Variants in PRRG4 observed in about 807,000 individuals in gnomAD.
PRRG4 encodes the protein proline rich and Gla domain 4, also known as transmembrane gamma-carboxyglutamic acid protein 4.
PRRG4 carries 12 observed loss-of-function variants against 20.0 expected under a neutral mutation model. The ratio of observed to expected loss-of-function variants is 0.60; its 90% CI spans 0.38 to 0.97. PRRG4 has a LOEUF of 0.97. Among genes scored for constraint, PRRG4 ranks in the 50% least tolerant of loss-of-function variants. The pLI, the probability that PRRG4 is intolerant of heterozygous loss-of-function variation, is 0.00. For synonymous variants in PRRG4, 94 were observed against 96.4 expected (o/e 0.98, Z 0.15); for missense variants, 199 against 265.1 (o/e 0.75, Z 1.73).
intron 5 of PRRG4, among the ~76,000 whole-genome samples, chr11:32,843,502 C>T (rs956554599): frequency 1.3e-5 from 2 of 151,704 alleles, no homozygotes; most frequent in African/African-American, 4.8e-5. Context: ...TTTGCACCAA[C>T]CTAATAACAT....
chr11:32,839,031 T>TA (rs1203384174), intron 4 of PRRG4, 101 bp downstream of exon 4: 1 of 792,060 alleles, frequency 1.3e-6, no homozygotes, highest in Non-Finnish European at 2.1e-6. Flanking sequence ...GCAACATACA[T>TA]ACCTTATAAA....
intron 5 of PRRG4, 80 bp from the exon 6 acceptor site, chr11:32,853,216 G>T: frequency 1.1e-6 from 1 of 915,096 alleles, no homozygotes; most frequent in South Asian, 1.5e-5. Context: ...TATTAAGATA[G>T]TTGGTTGGAT....
Position 32,854,600 on chromosome 11 carries a change from A to C in PRRG4, c.*1073A>C, listed in dbSNP as rs1851214103. The C allele has an allele frequency of 6.6e-6, 1 of 151,232 alleles. No homozygotes were observed. The allele number at this position is 151,232 out of a possible 1,614,324, so 9.4% of individuals were successfully genotyped here. Reference sequence around the variant, plus strand: ...AAAAGATTATCCAAAAAGATATTGGACCTACTCTTTCTTAGGATTTTTTTG... The same window carrying C: ...AAAAGATTATCCAAAAAGATATTGGCCCTACTCTTTCTTAGGATTTTTTTG... On this transcript the variant is annotated 3_prime_UTR_variant, in exon 6 of 6. Transcript: ENST00000257836.
chr11:32,857,779 G>A lies in PRRG4; in HGVS notation c.*4252G>A, dbSNP rs1851238759. On this transcript the variant is annotated 3_prime_UTR_variant, in exon 6 of 6. Coordinates refer to ENST00000257836, the MANE Select transcript of PRRG4 (RefSeq NM_024081.6). ...GTTATGTATGCCATTAACACTATTA[G>A]GGGAATCTCTAGCATTTCTGTATTT... 1 of 152,098 alleles carries A rather than the reference G, an allele frequency of 6.6e-6. No individual in the cohort carries two copies. The highest frequency in any genetic ancestry group is 1.5e-5 in the Non-Finnish European group (1 of 68,016). The allele number at this position is 152,098 out of a possible 1,614,324, so 9.4% of individuals were successfully genotyped here. A position where few individuals can be genotyped will look rare whatever the true frequency, so the allele number is the denominator to read the frequency against.
chr11:32,839,200 C>T (rs1337969368), intron 4 of PRRG4, among the ~76,000 whole-genome samples: 1 of 152,182 alleles, frequency 6.6e-6, no homozygotes, highest in East Asian at 1.9e-4. Flanking sequence ...AAGACTTGCA[C>T]AGAATAAAAG....
At position 32,830,081 on chromosome 11, in the gene PRRG4, G is replaced by A; in HGVS notation, c.-115G>A. ...GCCCGGAGCGTCGCCGAGGTTTGAGGGCGCCGGAGACCGAGGGCCTGGCGG... is the reference window on the plus strand; with the variant it reads ...GCCCGGAGCGTCGCCGAGGTTTGAGAGCGCCGGAGACCGAGGGCCTGGCGG... On this transcript the variant is annotated 5_prime_UTR_variant, in exon 1 of 6. Coordinates refer to ENST00000257836, the MANE Select transcript of PRRG4 (RefSeq NM_024081.6). The A allele has an allele frequency of 1.0e-6, 1 of 989,630 alleles. No individual in the cohort carries two copies. The highest frequency in any genetic ancestry group is 1.2e-6 in the Non-Finnish European group (1 of 833,018). 61.3% of individuals were successfully genotyped at this position (989,630 alleles called of 1,614,324 possible).
intron 3 of PRRG4, 127 bp downstream of exon 3, chr11:32,836,948 C>T: frequency 1.4e-6 from 1 of 712,464 alleles, no homozygotes; most frequent in Non-Finnish European, 2.3e-6. Flanking sequence ...TCTCTTTCTA[C>T]TTCCTTAAAA....
intron 5 of PRRG4, among the ~76,000 whole-genome samples, chr11:32,844,127 G>A (rs2133445501): frequency 6.6e-6 from 1 of 152,300 alleles, no homozygotes; most frequent in South Asian, 2.1e-4. Context: ...GTGGTTCACT[G>A]TGTGAGCTCT....
In PRRG4 at chr11:32,855,354, T is replaced by G. The variant is rs1313701724; in HGVS notation, c.*1827T>G. 1 of 148,598 alleles carries G rather than the reference T, an allele frequency of 6.7e-6. No homozygotes were observed. The highest frequency in any genetic ancestry group is 2.2e-4 in the South Asian group (1 of 4,598). 9.2% of individuals were successfully genotyped at this position (148,598 alleles called of 1,614,324 possible). ...CAAGAAATAACATACTCCTGAAAAATAGAATAGAAATTTCTGTGCTTTATG... is the reference window on the plus strand; with the variant it reads ...CAAGAAATAACATACTCCTGAAAAAGAGAATAGAAATTTCTGTGCTTTATG... On this transcript the variant is annotated 3_prime_UTR_variant, in exon 6 of 6. Coordinates refer to ENST00000257836, the MANE Select transcript of PRRG4 (RefSeq NM_024081.6).
At chr11:32,839,536 T>C (rs1851055295) in intron 4 of PRRG4, among the ~76,000 whole-genome samples, 1 of 151,668 alleles carries the variant, frequency 6.6e-6, no homozygotes, top group African/African-American at 2.4e-5. Flanking sequence ...TGAATATGTT[T>C]ATCCCACTTA....
At chr11:32,836,150 ATTAT>A (rs1198072394) in intron 2 of PRRG4, among the ~76,000 whole-genome samples, 1 of 152,052 alleles carries the variant, frequency 6.6e-6, no homozygotes, top group Admixed American at 6.6e-5. Flanking sequence ...GATCTTAGTG[ATTAT>A]TTAATTCCCA....
intron 2 of PRRG4, among the ~76,000 whole-genome samples, chr11:32,836,451 TATGCTA>T (rs1034733781): frequency 6.6e-6 from 1 of 152,244 alleles, no homozygotes; most frequent in African/African-American, 2.4e-5. Context: ...CCAGTGGAAT[TATGCTA>T]ACTTTGTATT....
rs1022694885 is a variant in PRRG4 at position 32,856,410 on chromosome 11, A to G, written c.*2883A>G. 6.6e-6 allele frequency: 1 copy of G among 152,236 alleles called. No homozygotes were observed. The highest frequency in any genetic ancestry group is 1.5e-5 in the Non-Finnish European group (1 of 68,040). 9.4% of individuals were successfully genotyped at this position (152,236 alleles called of 1,614,324 possible). ...CATGATACTTTAAATATAAAAAGGA[A>G]AATATGATAGAACTGTTATTGACAA... On this transcript the variant is annotated 3_prime_UTR_variant, in exon 6 of 6. Coordinates refer to ENST00000257836, the MANE Select transcript of PRRG4 (RefSeq NM_024081.6).
chr11:32,847,050 C>T (rs80113380), intron 5 of PRRG4, among the ~76,000 whole-genome samples: 36,851 of 151,530 alleles, frequency 0.24, 4,758 homozygotes, highest in Admixed American at 0.32. Context: ...TGACTTGAAC[C>T]TAAGCTTCTG....
At position 32,853,336 on chromosome 11, in the gene PRRG4, A is replaced by G. The variant is rs1470656041; in HGVS notation, c.490A>G (p.Ile164Val). 1.2e-6 allele frequency: 2 copies of G among 1,614,126 alleles called. No homozygotes were observed. The highest frequency in any genetic ancestry group is 2.2e-5 in the East Asian group (1 of 44,884). The change falls in exon 6 of 6, where the codon ATC (isoleucine) becomes GTC (valine). Residue 164 changes from isoleucine (I) to valine (V), a missense_variant. Physicochemically the swap from Ile to Val is conservative, Grantham distance 29 (BLOSUM62 3). Coordinates refer to ENST00000257836, the MANE Select transcript of PRRG4 (RefSeq NM_024081.6). ...TGAAAGGGGGAGGCACACTCCCTCCATCATTTTCAGAAGACCTGAGGAGGC... is the reference window on the plus strand; with the variant it reads ...TGAAAGGGGGAGGCACACTCCCTCCGTCATTTTCAGAAGACCTGAGGAGGC... Reference protein sequence around the residue: ...VYERGRHTPSIIFRRPEEAAL... With the variant: ...VYERGRHTPSVIFRRPEEAAL...
At chr11:32,853,258 C>T (rs749602587) in intron 5 of PRRG4, 38 bp from the exon 6 acceptor site, 1 of 1,474,618 alleles carries the variant, frequency 6.8e-7, no homozygotes, top group Non-Finnish European at 9.4e-7. Flanking sequence ...CCTAAAAATG[C>T]TACCTTTCCT....
chr11:32,830,454 A>G (rs1850957176), intron 1 of PRRG4, 54 bp from the exon 2 acceptor site: 2 of 1,274,782 alleles, frequency 1.6e-6, no homozygotes, highest in Admixed American at 5.9e-5. Flanking sequence ...ACAGAAACTC[A>G]AAGTGCTGAG....
At chr11:32,839,134 A>G (rs1209920657) in intron 4 of PRRG4, among the ~76,000 whole-genome samples, 1 of 152,240 alleles carries the variant, frequency 6.6e-6, no homozygotes, top group Non-Finnish European at 1.5e-5. Context: ...GTTTGGTGAG[A>G]TACTAGGAAA....
rs1851217548 is a variant in PRRG4 at position 32,854,894 on chromosome 11, A to G, written c.*1367A>G. The G allele has an allele frequency of 6.6e-6, 1 of 152,230 alleles. No homozygotes were observed. Among genetic ancestry groups the G allele is most frequent in the South Asian group, 2.1e-4 (1 of 4,838 alleles). 9.4% of individuals were successfully genotyped at this position (152,230 alleles called of 1,614,324 possible). On this transcript the variant is annotated 3_prime_UTR_variant, in exon 6 of 6. Coordinates refer to ENST00000257836, the MANE Select transcript of PRRG4 (RefSeq NM_024081.6). ...AAGGATTTGCAAGGGTTGTTATGCT[A>G]TCAAATAAACAGACCTAAAATCTAG...
Sources: gnomAD v4.1 joint callset for allele counts (sites outside exome capture counted in the v4.1 genomes callset) on GRCh38, gnomAD v4.1.1 for gene constraint, MANE v1.5 for transcripts, NCBI Gene and HGNC (gene_info 2026-07-23, HGNC 2026-07-21) for gene names.